The following GOLPH3 variants were observed in gnomAD, a reference collection of about 807,000 sequenced individuals.
The protein encoded by GOLPH3 is golgi phosphoprotein 3, also known as coat protein GPP34.
GOLPH3 carries 14 observed loss-of-function variants against 28.5 expected under a neutral mutation model. The ratio of observed to expected loss-of-function variants is 0.49; its 90% CI spans 0.32 to 0.77. The LOEUF (loss-of-function observed/expected upper bound fraction) is 0.77, where lower values mean the gene tolerates loss of function less well. Among genes scored for constraint, GOLPH3 ranks in the 30% least tolerant of loss-of-function variants. The pLI is 0.03. For missense variants in GOLPH3, 350 were observed against 393.7 expected, an observed-to-expected ratio of 0.89 and a Z score of 0.94; for synonymous variants, 158 against 159.2, an observed-to-expected ratio of 0.99 and a Z score of 0.06.
chr5:32,146,505 G>T (rs1746182254), intron 1 of GOLPH3, among the ~76,000 whole-genome samples: 1 of 152,040 alleles, frequency 6.6e-6, no homozygotes, highest in Non-Finnish European at 1.5e-5. Flanking sequence ...GTAGAAAAGG[G>T]TATTGTTTAT....
chr5:32,167,273 G>T (rs1329469021), intron 1 of GOLPH3, among the ~76,000 whole-genome samples: 2 of 152,152 alleles, frequency 1.3e-5, no homozygotes, highest in Admixed American at 1.3e-4. Flanking sequence ...TCAGGTTCAA[G>T]TGATTCTCCT....
At chr5:32,130,795 G>C (rs1745811699) in intron 3 of GOLPH3, among the ~76,000 whole-genome samples, 2 of 151,854 alleles carry the variant, frequency 1.3e-5, no homozygotes, top group Non-Finnish European at 2.9e-5. Context: ...AATAGTTTAT[G>C]ACTACTGTCT....
At chr5:32,151,294 A>C (rs1456360757) in intron 1 of GOLPH3, among the ~76,000 whole-genome samples, 2 of 151,834 alleles carry the variant, frequency 1.3e-5, no homozygotes, top group Non-Finnish European at 1.5e-5. Flanking sequence ...TGGGAGGCAA[A>C]GGCAGGGGGA....
intron 1 of GOLPH3, among the ~76,000 whole-genome samples, chr5:32,165,880 C>G (rs1581558224): frequency 6.6e-6 from 1 of 152,160 alleles, no homozygotes; most frequent in African/African-American, 2.4e-5. Flanking sequence ...ATGTGGACTT[C>G]GTATCTCAAA....
At chr5:32,169,942 A>C (rs1196074894) in intron 1 of GOLPH3, among the ~76,000 whole-genome samples, 3 of 152,014 alleles carry the variant, frequency 2.0e-5, no homozygotes, top group Non-Finnish European at 2.9e-5. Flanking sequence ...AAAAAAAAAA[A>C]ATCTGAAATG....
chr5:32,159,806 G>C (rs1214522941), intron 1 of GOLPH3, among the ~76,000 whole-genome samples: 2 of 152,130 alleles, frequency 1.3e-5, no homozygotes, highest in Non-Finnish European at 2.9e-5. Context: ...CTGAGGTTTA[G>C]AGAAAGTAAG....
At chr5:32,171,276 G>A (rs767003089) in intron 1 of GOLPH3, among the ~76,000 whole-genome samples, 2 of 151,218 alleles carry the variant, frequency 1.3e-5, no homozygotes, top group African/African-American at 2.4e-5. Flanking sequence ...TAGCTGATGA[G>A]CTTTAAAAAA....
intron 2 of GOLPH3, among the ~76,000 whole-genome samples, chr5:32,139,742 G>A (rs182040352): frequency 1.6e-4 from 25 of 152,210 alleles, no homozygotes; most frequent in African/African-American, 5.1e-4. Context: ...CACGGATAAC[G>A]TGAAAGAAAG....
intron 1 of GOLPH3, among the ~76,000 whole-genome samples, chr5:32,158,707 C>T (rs1746509509): frequency 6.6e-6 from 1 of 152,148 alleles, no homozygotes; most frequent in Non-Finnish European, 1.5e-5. Flanking sequence ...CTTACACAGA[C>T]TTCTCAGGTA....
rs184451544 is a variant in GOLPH3, at chr5:32,138,076, G to A, written c.358-2390C>T. Among the ~76,000 whole-genome samples, 693 of 151,978 alleles carry A rather than the reference G, an allele frequency of 4.6e-3. 10 individuals carry two copies. Among genetic ancestry groups the A allele is most frequent in the African/African-American group, 0.016 (669 of 41,448 alleles). ...ACACCACCGCATCCGGGTAATTTTT[G>A]TATTTTTAGTAGAGACAGGGTTTCA... On this transcript the variant is annotated intron_variant, in intron 2 of 3. Coordinates refer to ENST00000265070, the MANE Select transcript of GOLPH3 (RefSeq NM_022130.4).
Position 32,164,570 on chromosome 5 carries a change from A to G in GOLPH3, c.225+9240T>C, listed in dbSNP as rs1359133094. On this transcript the variant is annotated intron_variant, in intron 1 of 3. Transcript: ENST00000265070. ...CAGCACGCCAAGCTAATTTCTTTGT[A>G]TTTTTTTAGTACAGACAGGCTTTCA... 2.0e-5 allele frequency among the ~76,000 whole-genome samples: 3 copies of G among 151,440 alleles called. No individual in the cohort carries two copies. The East Asian group carries it at 5.8e-4, about 30-fold the overall frequency.
chr5:32,166,107 T>C (rs1746703137), intron 1 of GOLPH3, among the ~76,000 whole-genome samples: 1 of 152,224 alleles, frequency 6.6e-6, no homozygotes, highest in Non-Finnish European at 1.5e-5. Flanking sequence ...ATTCACAAAG[T>C]TTCTCAGCTC....
intron 1 of GOLPH3, among the ~76,000 whole-genome samples, chr5:32,166,183 T>A (rs1338075844): frequency 6.6e-6 from 1 of 152,226 alleles, no homozygotes; most frequent in Admixed American, 6.5e-5. Context: ...TGCATTAAGT[T>A]TAAAAATAAG....
At chr5:32,140,214 CAGA>C (rs1746025938) in intron 2 of GOLPH3, among the ~76,000 whole-genome samples, 1 of 151,172 alleles carries the variant, frequency 6.6e-6, no homozygotes, top group Non-Finnish European at 1.5e-5. Flanking sequence ...ATTGAAAAAA[CAGA>C]AGGAGGCCCG....
At chr5:32,152,718 G>C (rs1220740433) in intron 1 of GOLPH3, among the ~76,000 whole-genome samples, 1 of 150,916 alleles carries the variant, frequency 6.6e-6, no homozygotes, top group East Asian at 2.0e-4. Flanking sequence ...GGAAGCCAAG[G>C]TTGCAGTGAA....
intron 1 of GOLPH3, among the ~76,000 whole-genome samples, chr5:32,149,794 CA>C (rs1746265842): frequency 6.6e-6 from 1 of 152,066 alleles, no homozygotes; most frequent in Admixed American, 6.6e-5. Context: ...GTCACGAGTT[CA>C]AGACCAGCCT....
At chr5:32,145,720 A>G (rs1396746626) in intron 1 of GOLPH3, among the ~76,000 whole-genome samples, 2 of 152,210 alleles carry the variant, frequency 1.3e-5, no homozygotes, top group African/African-American at 4.8e-5. Flanking sequence ...ATACCCAGAG[A>G]TATTAGCAAA....
rs1444145012 is a variant in GOLPH3 at position 32,174,055 on chromosome 5, G to C, written c.-21C>G. ...GTCATGGCTCCCGCCGAGGCGCCGA[G>C]CCGGGCCGAGAGGGTCGCAGGACCG... On this transcript the variant is annotated 5_prime_UTR_variant, in exon 1 of 4. Transcript: ENST00000265070. The C allele has an allele frequency of 2.3e-4, 294 of 1,273,008 alleles. No homozygotes were observed. Among genetic ancestry groups the C allele is most frequent in the Non-Finnish European group, 2.8e-4 (284 of 1,014,924 alleles). The allele number at this position is 1,273,008 out of a possible 1,614,324, so 78.9% of individuals were successfully genotyped here. A position where few individuals can be genotyped will look rare whatever the true frequency, so the allele number is the denominator to read the frequency against.
intron 3 of GOLPH3, among the ~76,000 whole-genome samples, chr5:32,130,477 T>C (rs1745803393): frequency 6.6e-6 from 1 of 152,192 alleles, no homozygotes; most frequent in Non-Finnish European, 1.5e-5. Context: ...CTTAATATGT[T>C]TATGTTGTCA....
Sources: gnomAD v4.1 joint callset for allele counts (sites outside exome capture counted in the v4.1 genomes callset) on GRCh38, gnomAD v4.1.1 for gene constraint, MANE v1.5 for transcripts, NCBI Gene and HGNC (gene_info 2026-07-23, HGNC 2026-07-21) for gene names.